Variants in IL5RA observed in about 807,000 individuals in gnomAD.
IL5RA encodes the protein interleukin 5 receptor subunit alpha.
IL5RA carries 49 observed loss-of-function variants against 50.0 expected under a neutral mutation model. The ratio of observed to expected loss-of-function variants is 0.98; its 90% confidence interval spans 0.78 to 1.24. The LOEUF (loss-of-function observed/expected upper bound fraction) is 1.24, where lower values mean the gene tolerates loss of function less well. Among genes scored for constraint, IL5RA ranks in the 50% most tolerant of loss-of-function variants. IL5RA has a pLI of 0.00. For missense variants in IL5RA, 600 were observed against 500.4 expected, an observed-to-expected ratio of 1.20 and a Z score of -1.90; for synonymous variants, 202 against 174.0, an observed-to-expected ratio of 1.16 and a Z score of -1.26.
At chr3:3,100,157 C>T (rs1703574062) in intron 5 of IL5RA, among the ~76,000 whole-genome samples, 2 of 134,952 alleles carry the variant, frequency 1.5e-5, no homozygotes, top group African/African-American at 6.0e-5. Context: ...GCACCTGGGC[C>T]AGGAAGGACC....
chr3:3,096,050 G>T (rs1180325847), intron 7 of IL5RA, among the ~76,000 whole-genome samples: 1 of 152,100 alleles, frequency 6.6e-6, no homozygotes, highest in Non-Finnish European at 1.5e-5. Context: ...AGGCCGAGGC[G>T]GGTGGATCAC....
chr3:3,071,595 G>GTTT (rs756396834), intron 11 of IL5RA, among the ~76,000 whole-genome samples: 1 of 100,518 alleles, frequency 9.9e-6, no homozygotes. Context: ...GTGTGTGTGT[G>GTTT]TATTTTTTTT....
chr3:3,108,360 G>T (rs780995792), intron 2 of IL5RA, among the ~76,000 whole-genome samples, 190 bp downstream of exon 2: 3 of 152,012 alleles, frequency 2.0e-5, no homozygotes, highest in African/African-American at 7.2e-5. Flanking sequence ...TCCTAAAATA[G>T]AACTCATGAG....
chr3:3,103,205 G>A (rs1703737453), intron 3 of IL5RA, among the ~76,000 whole-genome samples: 1 of 152,156 alleles, frequency 6.6e-6, no homozygotes, highest in African/African-American at 2.4e-5. Context: ...CTTCAAAACT[G>A]TTTTTAATAT....
Position 3,070,195 on chromosome 3 carries a change from T to C in IL5RA, c.*30A>G. 7.0e-7 allele frequency: 1 copy of C among 1,435,120 alleles called. No homozygotes were observed. The highest frequency in any genetic ancestry group is 9.8e-7 in the Non-Finnish European group (1 of 1,021,432). 88.9% of individuals were successfully genotyped at this position (1,435,120 alleles called of 1,614,324 possible). A position where few individuals can be genotyped will look rare whatever the true frequency, so the allele number is the denominator to read the frequency against. ...TTTCACTGAGGCACTGAGGCATGTG[T>C]GAGTTCATCAGAGGATGCCAAAGTG... On this transcript the variant is annotated 3_prime_UTR_variant, in exon 12 of 12. Transcript: ENST00000446632.
intron 5 of IL5RA, 90 bp from the exon 6 acceptor site, chr3:3,098,380 G>C (rs541053845): frequency 9.0e-7 from 1 of 1,116,010 alleles, no homozygotes; most frequent in Admixed American, 2.1e-5. Flanking sequence ...TGTGAACGTC[G>C]TATTCATCAC....
intron 9 of IL5RA, among the ~76,000 whole-genome samples, chr3:3,088,255 G>A (rs1702952241): frequency 6.6e-6 from 1 of 152,222 alleles, no homozygotes; most frequent in African/African-American, 2.4e-5. Flanking sequence ...GTGGTGCAGA[G>A]GAGGTGAATG....
Position 3,098,136 on chromosome 3 carries a change from C to T in IL5RA, c.521+1G>A. On this transcript the variant is annotated splice_donor_variant, in intron 6 of 11. Coordinates refer to ENST00000446632, the MANE Select transcript of IL5RA (RefSeq NM_175726.4). LOFTEE classifies it high-confidence loss of function. ...TAAGTAAAAATAGGTACAGTACTAA[C>T]CTATAGTAGAGAAAATACTGCGTGT... 1 of 1,614,108 alleles carries T rather than the reference C, an allele frequency of 6.2e-7. No individual in the cohort carries two copies. The highest frequency in any genetic ancestry group is 8.5e-7 in the Non-Finnish European group (1 of 1,180,008).
chr3:3,106,451 C>T (rs1314953730), intron 2 of IL5RA, among the ~76,000 whole-genome samples: 1 of 152,052 alleles, frequency 6.6e-6, no homozygotes, highest in Non-Finnish European at 1.5e-5. Flanking sequence ...ATAAATCACT[C>T]AATTCCTTGT....
In IL5RA at chr3:3,069,919, T is replaced by C. The variant is rs1267755423; in HGVS notation, c.*306A>G. On this transcript the variant is annotated 3_prime_UTR_variant, in exon 12 of 12. Coordinates refer to ENST00000446632, the MANE Select transcript of IL5RA (RefSeq NM_175726.4). Reference sequence around the variant, plus strand: ...AAAGCTGTCTGTTGTGAATGAAAAGTCTGAGGTGAGTCAAGCAAATTGCAA... The same window carrying C: ...AAAGCTGTCTGTTGTGAATGAAAAGCCTGAGGTGAGTCAAGCAAATTGCAA... 1.2e-5 allele frequency: 3 copies of C among 242,750 alleles called. No individual in the cohort carries two copies. Among genetic ancestry groups the C allele is most frequent in the Admixed American group, 1.1e-4 (2 of 18,196 alleles). 15.0% of individuals were successfully genotyped at this position (242,750 alleles called of 1,614,324 possible). A position where few individuals can be genotyped will look rare whatever the true frequency, so the allele number is the denominator to read the frequency against.
intron 9 of IL5RA, among the ~76,000 whole-genome samples, chr3:3,083,473 G>A (rs994412334): frequency 1.3e-5 from 2 of 152,166 alleles, no homozygotes; most frequent in African/African-American, 2.4e-5. Flanking sequence ...GTGCATTCAG[G>A]ATCAGCTGGA....
At chr3:3,076,713 A>G (rs1247639680) in intron 9 of IL5RA, 86 bp from the exon 10 acceptor site, 2 of 811,794 alleles carry the variant, frequency 2.5e-6, no homozygotes, top group East Asian at 5.3e-5. Context: ...TTGGGTCATC[A>G]GACAGCTCAG....
intron 8 of IL5RA, among the ~76,000 whole-genome samples, chr3:3,093,750 G>C (rs1388701583): frequency 3.9e-5 from 6 of 152,194 alleles, no homozygotes; most frequent in African/African-American, 1.4e-4. Context: ...GCAACCCCAA[G>C]GCTGGGCAAG....
Position 3,083,677 on chromosome 3 carries a change from AT to A in IL5RA, c.995-7051del, listed in dbSNP as rs1702746157. Among the ~76,000 whole-genome samples the A allele has an allele frequency of 2.6e-5, 4 of 152,322 alleles. No homozygotes were observed. In the South Asian group the frequency reaches 8.3e-4, roughly 32 times the overall value. ...TATAAGGGGTTGCTGGGCCTATTTT[AT>A]CAACCTGCTAAAGCAGATGAAAGCT... On this transcript the variant is annotated intron_variant, in intron 9 of 11. Transcript: ENST00000446632.
At position 3,071,253 on chromosome 3, in the gene IL5RA, A is replaced by C. The variant is rs542634681; in HGVS notation, c.1177-942T>G. Among the ~76,000 whole-genome samples, 5 of 152,300 alleles carry C rather than the reference A, an allele frequency of 3.3e-5. No individual in the cohort carries two copies. The South Asian group carries it at 8.3e-4, about 25-fold the overall frequency. The stretch of plus-strand genomic sequence containing the variant: ...TTATCCATTTTACTGTTAATAGTTT[A>C]CGGGCAACCTAATTGGAGGAGGAAC... On this transcript the variant is annotated intron_variant, in intron 11 of 11. Transcript: ENST00000446632.
chr3:3,106,780 T>G (rs556260418), intron 2 of IL5RA, among the ~76,000 whole-genome samples: 5 of 152,276 alleles, frequency 3.3e-5, no homozygotes, highest in Admixed American at 1.3e-4. Context: ...GAAATAATAT[T>G]AAATATGCTC....
intron 9 of IL5RA, among the ~76,000 whole-genome samples, chr3:3,089,339 T>G (rs1354072734): frequency 6.6e-6 from 1 of 152,186 alleles, no homozygotes; most frequent in Non-Finnish European, 1.5e-5. Context: ...CCTGGCAGAT[T>G]CAGAACAGTT....
At chr3:3,076,059 C>A (rs191664341) in intron 10 of IL5RA, among the ~76,000 whole-genome samples, 2 of 152,276 alleles carry the variant, frequency 1.3e-5, no homozygotes, top group African/African-American at 4.8e-5. Context: ...CATGCGATTT[C>A]TAGAATCCGT....
intron 2 of IL5RA, among the ~76,000 whole-genome samples, chr3:3,107,928 CT>C (rs1250371950): frequency 6.6e-6 from 1 of 152,028 alleles, no homozygotes; most frequent in Non-Finnish European, 1.5e-5. Context: ...ATTTTCCCCT[CT>C]TTTTTTTCCC....
Sources: allele counts gnomAD v4.1 joint callset (sites outside exome capture counted in the v4.1 genomes callset), GRCh38; gene constraint gnomAD v4.1.1; transcripts MANE v1.5; gene names NCBI Gene and HGNC (gene_info 2026-07-23, HGNC 2026-07-21).